Variants in SLC7A1 observed in about 807,000 individuals in gnomAD.
SLC7A1 encodes high affinity cationic amino acid transporter 1.
A neutral mutation model predicts 53.9 loss-of-function variants in SLC7A1; 10 were observed. The ratio of observed to expected loss-of-function variants is 0.19; its 90% CI spans 0.11 to 0.31. The LOEUF (loss-of-function observed/expected upper bound fraction) is 0.31, where lower values mean the gene tolerates loss of function less well. Among genes scored for constraint, SLC7A1 ranks in the 10% least tolerant of loss-of-function variants. The pLI is 1.00. For synonymous variants in SLC7A1, 342 were observed against 338.7 expected, an observed-to-expected ratio of 1.01 and a Z score of -0.11; for missense variants, 525 against 827.2, an observed-to-expected ratio of 0.63 and a Z score of 4.48.
At chr13:29,547,011 A>AC (rs1405271388) in intron 2 of SLC7A1, among the ~76,000 whole-genome samples, 9 of 152,224 alleles carry the variant, frequency 5.9e-5, no homozygotes, top group Non-Finnish European at 1.0e-4. Context: ...AACTTGTAAT[A>AC]GTGAAGCCAG....
chr13:29,595,036 CG>C (rs1260414037), intron 1 of SLC7A1, among the ~76,000 whole-genome samples: 26 of 151,974 alleles, frequency 1.7e-4, no homozygotes, highest in Non-Finnish European at 3.7e-4. Flanking sequence ...GTCTGGCCCC[CG>C]TGCCCGCCGC....
Position 29,571,161 on chromosome 13 carries a change from A to G in SLC7A1, c.-114-17301T>C, listed in dbSNP as rs116366145. On this transcript the variant is annotated intron_variant, in intron 1 of 12. Coordinates refer to ENST00000380752, the MANE Select transcript of SLC7A1 (RefSeq NM_003045.5). ...TAATTGCAGTTTTTGCCATTAAAAT[A>G]GCAAAAATTGTATTTTGTAATCACC... Among the ~76,000 whole-genome samples, 526 of 152,358 alleles carry G rather than the reference A, an allele frequency of 3.5e-3. 4 individuals carry two copies. The highest frequency in any genetic ancestry group is 0.012 in the African/African-American group (493 of 41,580).
At chr13:29,516,299 G>T in intron 11 of SLC7A1, 53 bp from the exon 12 acceptor site, 2 of 1,175,466 alleles carry the variant, frequency 1.7e-6, no homozygotes, top group East Asian at 2.4e-5. Flanking sequence ...GGTTCCAATA[G>T]TTCAGTAAAA....
intron 1 of SLC7A1, among the ~76,000 whole-genome samples, chr13:29,557,687 TATGA>T: frequency 1.2e-5 from 1 of 85,022 alleles, no homozygotes; most frequent in African/African-American, 4.7e-5. Context: ...GGAGAGTGAA[TATGA>T]GTGGGGGGGA....
intron 1 of SLC7A1, among the ~76,000 whole-genome samples, chr13:29,564,716 C>A (rs1870895978): frequency 1.3e-5 from 2 of 152,210 alleles, no homozygotes; most frequent in Non-Finnish European, 2.9e-5. Flanking sequence ...CATGGACTAG[C>A]TGAATAAGCC....
intron 1 of SLC7A1, among the ~76,000 whole-genome samples, chr13:29,587,206 T>C (rs1871918741): frequency 6.6e-6 from 1 of 152,126 alleles, no homozygotes; most frequent in Admixed American, 6.5e-5. Flanking sequence ...GACAATGACG[T>C]AGTAGCTTCT....
chr13:29,522,984 A>C (rs1868700641), intron 7 of SLC7A1, among the ~76,000 whole-genome samples: 1 of 152,214 alleles, frequency 6.6e-6, no homozygotes, highest in Non-Finnish European at 1.5e-5. Context: ...GGCCTGTTCC[A>C]GTGGCCAGAT....
At chr13:29,570,518 CAGAT>C (rs1871147051) in intron 1 of SLC7A1, among the ~76,000 whole-genome samples, 1 of 152,158 alleles carries the variant, frequency 6.6e-6, no homozygotes, top group Non-Finnish European at 1.5e-5. Flanking sequence ...GACAGTGAGA[CAGAT>C]AGAAGTTAAA....
intron 1 of SLC7A1, among the ~76,000 whole-genome samples, chr13:29,560,959 C>G (rs1593569880): frequency 1.3e-5 from 2 of 152,138 alleles, no homozygotes; most frequent in African/African-American, 4.8e-5. Context: ...CTAAAAAAAT[C>G]TTTATATTTA....
intron 3 of SLC7A1, among the ~76,000 whole-genome samples, chr13:29,534,879 T>A (rs1412575947): frequency 3.3e-5 from 5 of 152,266 alleles, no homozygotes; most frequent in African/African-American, 9.6e-5. Context: ...TTGTTTCTTT[T>A]AAGTTGATGT....
intron 1 of SLC7A1, among the ~76,000 whole-genome samples, chr13:29,582,233 A>G (rs533059527): frequency 2.0e-5 from 3 of 152,278 alleles, no homozygotes; most frequent in East Asian, 3.9e-4. Context: ...CCTCTCTTCC[A>G]TGGGTGTTCT....
In SLC7A1 at chr13:29,536,258, T is replaced by C. The variant is rs1367358014; in HGVS notation, c.-14-56A>G. On this transcript the variant is annotated intron_variant, in intron 2 of 12. Coordinates refer to ENST00000380752, the MANE Select transcript of SLC7A1 (RefSeq NM_003045.5). ...TTGCTCCTCATTTCACCCATTACTC[T>C]AATCTTATCACATTATGGAAACACA... 3.3e-6 allele frequency: 5 copies of C among 1,497,308 alleles called. No homozygotes were observed. The East Asian group carries it at 1.1e-4, about 34-fold the overall frequency. The allele number at this position is 1,497,308 out of a possible 1,614,324, so 92.8% of individuals were successfully genotyped here.
chr13:29,566,709 C>T (rs1223210489), intron 1 of SLC7A1, among the ~76,000 whole-genome samples: 3 of 152,072 alleles, frequency 2.0e-5, no homozygotes, highest in Non-Finnish European at 4.4e-5. Context: ...TGTGAATTTG[C>T]TAAAAATCAC....
intron 1 of SLC7A1, among the ~76,000 whole-genome samples, chr13:29,565,302 T>C (rs940546628): frequency 6.6e-5 from 10 of 151,998 alleles, no homozygotes; most frequent in African/African-American, 2.4e-4. Context: ...ATACAAACAA[T>C]ACAAATACAA....
chr13:29,523,600 A>T (rs750720766), intron 6 of SLC7A1, 112 bp from the exon 7 acceptor site: 2 of 758,460 alleles, frequency 2.6e-6, no homozygotes, highest in Non-Finnish European at 4.4e-6. Flanking sequence ...CCTACGAGAA[A>T]CCTCCCTCCA....
chr13:29,513,086 G>A lies in SLC7A1; in HGVS notation c.*1394C>T, dbSNP rs891887745. The A allele has an allele frequency of 1.4e-4, 21 of 152,304 alleles. No homozygotes were observed. Among genetic ancestry groups the A allele is most frequent in the Admixed American group, 3.9e-4 (6 of 15,288 alleles). 9.4% of individuals were successfully genotyped at this position (152,304 alleles called of 1,614,324 possible). On this transcript the variant is annotated 3_prime_UTR_variant, in exon 13 of 13. Transcript: ENST00000380752. ...AGTGGAACGCTCCACCCACGTTCAG[G>A]TTTCCTCTGGCTCCCATCTACAAGG...
intron 2 of SLC7A1, among the ~76,000 whole-genome samples, chr13:29,545,176 A>C (rs1313521180): frequency 9.9e-5 from 15 of 152,172 alleles, no homozygotes; most frequent in African/African-American, 3.4e-4. Flanking sequence ...CAACGAATAA[A>C]TTTGTTTCTC....
chr13:29,552,894 G>A (rs138856945), intron 2 of SLC7A1, among the ~76,000 whole-genome samples: 20 of 151,978 alleles, frequency 1.3e-4, no homozygotes, highest in East Asian at 5.8e-4. Flanking sequence ...TAGGGTCTCC[G>A]ACCAAGCTGG....
At chr13:29,549,239 A>C (rs975163189) in intron 2 of SLC7A1, among the ~76,000 whole-genome samples, 3 of 152,192 alleles carry the variant, frequency 2.0e-5, no homozygotes, top group Non-Finnish European at 4.4e-5. Flanking sequence ...CCGCATGCTC[A>C]CCTGAATGAT....
Sources: allele counts gnomAD v4.1 joint callset (sites outside exome capture counted in the v4.1 genomes callset), GRCh38; gene constraint gnomAD v4.1.1; transcripts MANE v1.5; gene names NCBI Gene and HGNC (gene_info 2026-07-23, HGNC 2026-07-21).